Variants in NCKAP5L observed in about 807,000 individuals in gnomAD.
NCKAP5L encodes nck-associated protein 5-like.
A neutral mutation model predicts 103.2 loss-of-function variants in NCKAP5L; 54 were observed. The ratio of observed to expected loss-of-function variants is 0.52; its 90% CI spans 0.42 to 0.66. The LOEUF is 0.66. NCKAP5L is among the 30% of genes least tolerant of loss of function. The probability of loss-of-function intolerance (pLI) is 0.00; values close to 1 mark genes in which losing one functional copy is unlikely to be tolerated. For synonymous variants in NCKAP5L, 762 were observed against 748.6 expected (o/e 1.02, Z -0.29); for missense variants, 1,733 against 1,750.6 (o/e 0.99, Z 0.18).
chr12:49,792,834 G>C lies in NCKAP5L; in HGVS notation c.3493C>G (p.Pro1165Ala). ...GCGCGGCGGGGGACTTTGGTAAGGG[G>C]TGGGGGCCGAGCTGGGGGTACCCCA... ...PPGVPPARPPPLTKVPRRAHT... is the reference protein window; with the variant it reads ...PPGVPPARPPALTKVPRRAHT... The change falls in exon 11 of 13, where the codon CCC (proline) becomes GCC (alanine). Residue 1165 changes from proline (P) to alanine (A), a missense_variant. Pro to Ala is a conservative substitution (Grantham distance 27). Transcript: ENST00000335999. The surrounding 1 kb of genome is among the most constrained non-coding windows in gnomAD (Gnocchi z 4.5). 6.3e-7 allele frequency: 1 copy of C among 1,575,244 alleles called. No individual in the cohort carries two copies. The highest frequency in any genetic ancestry group is 8.6e-7 in the Non-Finnish European group (1 of 1,164,828).
At chr12:49,809,174 C>G (rs1217725960) in intron 1 of NCKAP5L, among the ~76,000 whole-genome samples, 1 of 152,162 alleles carries the variant, frequency 6.6e-6, no homozygotes, top group Non-Finnish European at 1.5e-5. Flanking sequence ...CTCCCTTCCC[C>G]CTTAAAGCCA....
intron 1 of NCKAP5L, among the ~76,000 whole-genome samples, chr12:49,818,705 A>C (rs1178752862): frequency 6.6e-6 from 1 of 152,186 alleles, no homozygotes; most frequent in Non-Finnish European, 1.5e-5. Flanking sequence ...GGGTATACGA[A>C]AAAATGCTCG....
intron 2 of NCKAP5L, chr12:49,805,253 C>T (rs1946167211): frequency 6.6e-6 from 1 of 152,334 alleles, no homozygotes; most frequent in Non-Finnish European, 1.5e-5. Flanking sequence ...TCCAAACTCA[C>T]ATGCCTCCTG....
At position 49,796,356 on chromosome 12, in the gene NCKAP5L, C is replaced by T; in HGVS notation, c.1504G>A (p.Ala502Thr). The T allele has an allele frequency of 6.4e-7, 1 of 1,570,186 alleles. No individual in the cohort carries two copies. The highest frequency in any genetic ancestry group is 1.2e-5 in the South Asian group (1 of 83,882). ...GSDGSPSPLL[A>T]RRGLGGGELS... ...TCTCCTCCACCCAGACCCCTTCGGG[C>T]CAACAGTGGGGAGGGGCTGCCGTCT... The change falls in exon 8 of 13, where the codon GCC becomes ACC. Residue 502 changes from alanine (A) to threonine (T), a missense_variant. By Grantham distance (58) the Ala-to-Thr change is moderately conservative. Coordinates refer to ENST00000335999, the MANE Select transcript of NCKAP5L (RefSeq NM_001037806.4).
chr12:49,804,161 G>C, intron 2 of NCKAP5L, 81 bp from the exon 3 acceptor site: 3 of 1,366,596 alleles, frequency 2.2e-6, no homozygotes, highest in Non-Finnish European at 2.0e-6. Context: ...TTAGGTCAGT[G>C]TGACCTATAT....
intron 1 of NCKAP5L, among the ~76,000 whole-genome samples, chr12:49,813,949 C>G (rs1946269115): frequency 6.6e-6 from 1 of 151,978 alleles, no homozygotes; most frequent in Non-Finnish European, 1.5e-5. Context: ...CTTCAGCCTC[C>G]CAGGTAACTA....
In NCKAP5L at chr12:49,797,024, C is replaced by G; in HGVS notation, c.836G>C (p.Gly279Ala). Residue 279 changes from glycine (G) to alanine (A), a missense_variant, in exon 8 of 13, where the codon GGA (glycine) becomes GCA (alanine). By Grantham distance (60) the Gly-to-Ala change is moderately conservative (BLOSUM62 0). Coordinates refer to ENST00000335999, the MANE Select transcript of NCKAP5L (RefSeq NM_001037806.4). The surrounding 1 kb of genome is among the most constrained non-coding windows in gnomAD (Gnocchi z 4.5). Reference sequence around the variant, plus strand: ...GCTGGTGCCCTGGGCCTGAGGAGGTCCCCTGCTAGGACCCCAGGGCCGCCC... The same window carrying G: ...GCTGGTGCCCTGGGCCTGAGGAGGTGCCCTGCTAGGACCCCAGGGCCGCCC... ...DTGRPWGPSR[G>A]PPQAQGTSSG... 1 of 1,577,610 alleles carries G rather than the reference C, an allele frequency of 6.3e-7. No individual in the cohort carries two copies. Among genetic ancestry groups the G allele is most frequent in the Non-Finnish European group, 8.6e-7 (1 of 1,162,358 alleles).
chr12:49,821,053 G>T (rs1946356297), intron 1 of NCKAP5L, among the ~76,000 whole-genome samples: 1 of 152,184 alleles, frequency 6.6e-6, no homozygotes, highest in South Asian at 2.1e-4. Context: ...GTAAGGGTGG[G>T]GTAAGGAGCT....
rs187609450 is a variant in NCKAP5L, at chr12:49,818,703, G to A, written c.-99+9619C>T. ...ACAGACAAATGGCCAGTGGGTATAC[G>A]AAAAAATGCTCGATATCACGAATCA... is the stretch of plus-strand genomic sequence containing the variant. On this transcript the variant is annotated intron_variant, in intron 1 of 12. Coordinates refer to ENST00000335999, the MANE Select transcript of NCKAP5L (RefSeq NM_001037806.4). Among the ~76,000 whole-genome samples, 6 of 151,966 alleles carry A rather than the reference G, an allele frequency of 3.9e-5. No individual in the cohort carries two copies. The East Asian group carries it at 7.7e-4, about 20-fold the overall frequency.
Position 49,792,231 on chromosome 12 carries a change from G to T in NCKAP5L, c.3793-180C>A. The T allele has an allele frequency of 4.4e-6, 5 of 1,126,734 alleles. No homozygotes were observed. Among genetic ancestry groups the T allele is most frequent in the East Asian group, 2.6e-5 (1 of 39,046 alleles). The allele number at this position is 1,126,734 out of a possible 1,614,324, so 69.8% of individuals were successfully genotyped here. On this transcript the variant is annotated intron_variant, in intron 12 of 12. Transcript: ENST00000335999. The surrounding 1 kb of genome is among the most constrained non-coding windows in gnomAD (Gnocchi z 4.5). ...GTACAACTGAGAACAGTCCTACAAGGTTCTGGGGAGGGACAGAAACCTTTC... is the reference window on the plus strand; with the variant it reads ...GTACAACTGAGAACAGTCCTACAAGTTTCTGGGGAGGGACAGAAACCTTTC...
chr12:49,795,744 C>A lies in NCKAP5L; in HGVS notation c.2116G>T (p.Gly706Ter). 6.2e-7 allele frequency: 1 copy of A among 1,601,578 alleles called. No individual in the cohort carries two copies. The highest frequency in any genetic ancestry group is 8.5e-7 in the Non-Finnish European group (1 of 1,174,352). ...CTGTGGATGGAGGGCACCATGTCTC[C>A]AGCACTCTCCCCTGACTTCCCAGGT... is the stretch of plus-strand genomic sequence containing the variant. ...RGPGKSGESA[G>*]DMVPSIHRPL... is the part of the protein sequence containing the mutation. The change falls in exon 8 of 13, where the codon GGA (glycine) becomes TGA (stop). Residue 706 changes from glycine to a stop codon, truncating the protein, a stop_gained. Transcript: ENST00000335999. LOFTEE classifies it high-confidence loss of function.
rs1260136959 is a variant in NCKAP5L, at chr12:49,796,966, G to A, written c.894C>T (p.Ser298=). The A allele has an allele frequency of 1.2e-6, 2 of 1,602,330 alleles. No homozygotes were observed. Among genetic ancestry groups the A allele is most frequent in the East Asian group, 2.2e-5 (1 of 44,530 alleles). Residue 298 remains serine, a synonymous_variant, in exon 8 of 13, where the codon TCC becomes TCT. Coordinates refer to ENST00000335999, the MANE Select transcript of NCKAP5L (RefSeq NM_001037806.4). ...SGPNCAPGSS[S]SSSSDEAGDP... Reference sequence around the variant, plus strand: ...CACCTGCCTCATCAGAAGAGGAGGAGGAGCTGCTGCCTGGGGCACAGTTTG... The same window carrying A: ...CACCTGCCTCATCAGAAGAGGAGGAAGAGCTGCTGCCTGGGGCACAGTTTG...
chr12:49,800,161 C>T (rs1392098438), intron 6 of NCKAP5L, among the ~76,000 whole-genome samples: 1 of 152,254 alleles, frequency 6.6e-6, no homozygotes, highest in Non-Finnish European at 1.5e-5. Flanking sequence ...CGCCATTGCA[C>T]TCCAGCCTGG....
intron 1 of NCKAP5L, among the ~76,000 whole-genome samples, chr12:49,821,379 C>A (rs1946360274): frequency 6.6e-6 from 1 of 152,190 alleles, no homozygotes; most frequent in African/African-American, 2.4e-5. Context: ...AAATGATCAG[C>A]ACCATCTGGC....
Position 49,803,981 on chromosome 12 carries a change from C to T in NCKAP5L, c.64G>A (p.Asp22Asn), listed in dbSNP as rs1374899228. 3.1e-6 allele frequency: 5 copies of T among 1,612,426 alleles called. No individual in the cohort carries two copies. The Admixed American group carries it at 5.0e-5, about 16-fold the overall frequency. The change falls in exon 3 of 13, where the codon GAT (aspartate) becomes AAT (asparagine). Residue 22 changes from aspartate (D) to asparagine (N), a missense_variant. Physicochemically the swap from Asp to Asn is conservative, Grantham distance 23 (BLOSUM62 1). Coordinates refer to ENST00000335999, the MANE Select transcript of NCKAP5L (RefSeq NM_001037806.4). ...CAGGTGCCTGGCTCCATGCTGCCAT[C>T]ATCACCCTCTCCTGGCCTTGGGTTT... is the stretch of plus-strand genomic sequence containing the variant. The part of the protein sequence containing the change: ...PGNPRPGEGD[D>N]GSMEPGTCQE...
At chr12:49,813,583 A>C (rs1303409944) in intron 1 of NCKAP5L, among the ~76,000 whole-genome samples, 1 of 152,102 alleles carries the variant, frequency 6.6e-6, no homozygotes, top group Non-Finnish European at 1.5e-5. Flanking sequence ...GCTGAAGTGC[A>C]GTGGCGCGAT....
At chr12:49,810,626 T>C (rs1043894660) in intron 1 of NCKAP5L, among the ~76,000 whole-genome samples, 8 of 152,220 alleles carry the variant, frequency 5.3e-5, no homozygotes, top group African/African-American at 1.7e-4. Context: ...TTCCAGATAC[T>C]ATGCTGTGTG....
chr12:49,824,435 C>T (rs1324118311), intron 1 of NCKAP5L, among the ~76,000 whole-genome samples: 1 of 152,200 alleles, frequency 6.6e-6, no homozygotes, highest in Non-Finnish European at 1.5e-5. Flanking sequence ...TCTCTGAAGC[C>T]CCCTTGCATC....
rs1946044538 is a variant in NCKAP5L, at chr12:49,796,385, C to T, written c.1475G>A (p.Gly492Asp). Residue 492 changes from glycine (G) to aspartate (D), a missense_variant, in exon 8 of 13, where the codon GGC becomes GAC. Coordinates refer to ENST00000335999, the MANE Select transcript of NCKAP5L (RefSeq NM_001037806.4). ...CAGTGGGGAGGGGCTGCCGTCTGAG[C>T]CACTGTTCCGACAGGGGATTCGCGA... ...RNSRIPCRNS[G>D]SDGSPSPLLA... The T allele has an allele frequency of 1.9e-6, 3 of 1,579,842 alleles. No individual in the cohort carries two copies. Among genetic ancestry groups the T allele is most frequent in the Non-Finnish European group, 2.6e-6 (3 of 1,162,988 alleles).
Sources: gnomAD v4.1 joint callset for allele counts (sites outside exome capture counted in the v4.1 genomes callset) on GRCh38, gnomAD v4.1.1 for gene constraint, Gnocchi (gnomAD v3.1) non-coding constraint, MANE v1.5 for transcripts, NCBI Gene and HGNC (gene_info 2026-07-23, HGNC 2026-07-21) for gene names.